Variants in SLC22A24 observed in about 807,000 individuals in gnomAD.
SLC22A24 encodes the protein steroid transmembrane transporter SLC22A24.
Under a neutral mutation model 49.8 loss-of-function variants are expected in SLC22A24, and 53 were observed. The ratio of observed to expected loss-of-function variants is 1.06; its 90% CI spans 0.85 to 1.34. The LOEUF is 1.34. Ranked by LOEUF, SLC22A24 falls within the 40% of genes most tolerant of loss-of-function variation. SLC22A24 has a pLI of 0.00. For synonymous variants in SLC22A24, 302 were observed against 256.4 expected (o/e 1.18, Z -1.70); for missense variants, 786 against 675.9 (o/e 1.16, Z -1.81).
chr11:63,141,514 T>C (rs956507120), intron 1 of SLC22A24, among the ~76,000 whole-genome samples: 9 of 152,190 alleles, frequency 5.9e-5, no homozygotes, highest in Non-Finnish European at 1.0e-4. Context: ...ATGGAACCAA[T>C]TAAAACCCAC....
At chr11:63,115,561 A>G (rs1939745) in intron 4 of SLC22A24, among the ~76,000 whole-genome samples, 108,098 of 151,936 alleles carry the variant, frequency 0.71, 40,060 homozygotes, top group East Asian at 0.9. Context: ...CTCACCCTCC[A>G]TGAGCTGCAC....
At chr11:63,084,380 G>A (rs1188348592) in intron 6 of SLC22A24, among the ~76,000 whole-genome samples, 1 of 152,292 alleles carries the variant, frequency 6.6e-6, no homozygotes, top group African/African-American at 2.4e-5. Flanking sequence ...GAGAGAGCTT[G>A]TATGGAATCA....
intron 2 of SLC22A24, among the ~76,000 whole-genome samples, chr11:63,126,339 G>A (rs1037683941): frequency 2.0e-5 from 3 of 152,152 alleles, no homozygotes; most frequent in Non-Finnish European, 4.4e-5. Context: ...TTTTGTATAA[G>A]GTGTAAGGAA....
Position 63,081,660 on chromosome 11 carries a change from T to C in SLC22A24, c.1292A>G (p.Gln431Arg), listed in dbSNP as rs1376615114. The part of the protein sequence containing the change: ...LVNTFLPQEM[Q>R]ILRVVLATLG... ...AGTTGCTAAAACCACACGCAGGATC[T>C]GCATTTCTAGAGAGAACAGTGAGAA... is the stretch of plus-strand genomic sequence containing the variant. Residue 431 changes from glutamine to arginine, a missense_variant, in exon 8 of 10, where the codon CAG becomes CGG. Gln to Arg is a conservative substitution (Grantham distance 43). Coordinates refer to ENST00000612278, the MANE Select transcript of SLC22A24 (RefSeq NM_001136506.2). The C allele has an allele frequency of 7.7e-6, 12 of 1,548,592 alleles. No homozygotes were observed. Among genetic ancestry groups the C allele is most frequent in the Non-Finnish European group, 1.0e-5 (12 of 1,144,260 alleles).
At chr11:63,080,196 G>A (rs1223665686) in intron 9 of SLC22A24, among the ~76,000 whole-genome samples, 196 bp from the exon 10 acceptor site, 2 of 152,186 alleles carry the variant, frequency 1.3e-5, no homozygotes, top group Non-Finnish European at 2.9e-5. Flanking sequence ...GGAAGGCAGT[G>A]TTGAATATTG....
At chr11:63,083,170 G>T in intron 7 of SLC22A24, 73 bp downstream of exon 7, 1 of 1,214,188 alleles carries the variant, frequency 8.2e-7, no homozygotes, top group Non-Finnish European at 1.2e-6. Context: ...TTGGCACCAG[G>T]CATAAAAGAC....
intron 5 of SLC22A24, among the ~76,000 whole-genome samples, chr11:63,100,861 T>A (rs981897368): frequency 6.6e-6 from 1 of 152,098 alleles, no homozygotes; most frequent in Non-Finnish European, 1.5e-5. Flanking sequence ...TGCAGGAGAA[T>A]GAAACTAAGC....
At chr11:63,115,757 A>ATT (rs35701491) in intron 4 of SLC22A24, 300 of 158,078 alleles carry the variant, frequency 1.9e-3, no homozygotes, top group East Asian at 5.0e-3. Flanking sequence ...CTGCTGACAG[A>ATT]TTTTTTTTTT....
At chr11:63,136,380 C>G (rs980568448) in intron 1 of SLC22A24, among the ~76,000 whole-genome samples, 1 of 152,200 alleles carries the variant, frequency 6.6e-6, no homozygotes, top group African/African-American at 2.4e-5. Context: ...AACTGCAACA[C>G]CTGCAACTGG....
intron 2 of SLC22A24, among the ~76,000 whole-genome samples, chr11:63,129,347 G>A (rs1420507199): frequency 2.0e-5 from 3 of 152,044 alleles, no homozygotes; most frequent in African/African-American, 7.2e-5. Context: ...ATCTGTTTTG[G>A]TACCCGTACC....
At chr11:63,127,651 ACTTTTTAATCACTGC>A (rs1394523444) in intron 2 of SLC22A24, among the ~76,000 whole-genome samples, 2 of 152,098 alleles carry the variant, frequency 1.3e-5, no homozygotes, top group African/African-American at 4.8e-5. Flanking sequence ...TTGTTTCCTG[ACTTTTTAATCACTGC>A]CATTCTAGCT....
At chr11:63,095,664 A>G (rs2087049482) in intron 6 of SLC22A24, among the ~76,000 whole-genome samples, 1 of 152,194 alleles carries the variant, frequency 6.6e-6, no homozygotes, top group Admixed American at 6.6e-5. Flanking sequence ...CAGCCAGTTG[A>G]TGTAACTTCT....
chr11:63,088,843 T>A (rs12785473), intron 6 of SLC22A24, among the ~76,000 whole-genome samples: 75,782 of 151,576 alleles, frequency 0.5, 19,075 homozygotes, highest in East Asian at 0.54. Context: ...GAAGATCAAG[T>A]TCCTGAAATA....
At chr11:63,096,737 G>A (rs1237956238) in intron 5 of SLC22A24, among the ~76,000 whole-genome samples, 2 of 152,202 alleles carry the variant, frequency 1.3e-5, no homozygotes, top group South Asian at 2.1e-4. Context: ...TTGGGGATGT[G>A]TTGGTGGAGT....
rs775173392 is a variant in SLC22A24, at chr11:63,104,099, C to T, written c.954+76G>A. On this transcript the variant is annotated intron_variant, in intron 5 of 9. Transcript: ENST00000612278. ...TCACAGAAGTCTAATTCTGTCACTC[C>T]AGGAACCTAGACTAGTATGATTGTG... 9 of 1,478,724 alleles carry T rather than the reference C, an allele frequency of 6.1e-6. No homozygotes were observed. The South Asian group carries it at 8.8e-5, about 14-fold the overall frequency. The allele number at this position is 1,478,724 out of a possible 1,614,324, so 91.6% of individuals were successfully genotyped here.
chr11:63,082,405 C>T (rs2086965364), intron 7 of SLC22A24, among the ~76,000 whole-genome samples: 1 of 152,136 alleles, frequency 6.6e-6, no homozygotes, highest in Non-Finnish European at 1.5e-5. Flanking sequence ...GAAGGCTCTC[C>T]TATAAGGCAG....
chr11:63,136,126 T>G (rs572469090), intron 1 of SLC22A24, among the ~76,000 whole-genome samples: 19 of 152,296 alleles, frequency 1.2e-4, no homozygotes, highest in African/African-American at 4.6e-4. Context: ...CAACAAACCA[T>G]TCCTCAATCA....
At chr11:63,093,686 C>T (rs2087034718) in intron 6 of SLC22A24, among the ~76,000 whole-genome samples, 1 of 151,992 alleles carries the variant, frequency 6.6e-6, no homozygotes, top group Non-Finnish European at 1.5e-5. Context: ...ACACTGGGGC[C>T]TACCTAATTG....
chr11:63,119,703 G>A (rs984409311), intron 2 of SLC22A24, among the ~76,000 whole-genome samples: 1 of 152,162 alleles, frequency 6.6e-6, no homozygotes, highest in South Asian at 2.1e-4. Context: ...ACTGAGGAGG[G>A]AAATCCAGAG....
Sources: gnomAD v4.1 joint callset for allele counts (sites outside exome capture counted in the v4.1 genomes callset) on GRCh38, gnomAD v4.1.1 for gene constraint, MANE v1.5 for transcripts, NCBI Gene and HGNC (gene_info 2026-07-23, HGNC 2026-07-21) for gene names.